Variants in SLC12A7 observed in about 807,000 individuals in gnomAD.
The protein encoded by SLC12A7 is solute carrier family 12 member 7, also known as K-Cl cotransporter 4.
SLC12A7 carries 100 observed loss-of-function variants against 120.6 expected under a neutral mutation model. That is an observed-to-expected ratio of 0.83 (90% CI 0.71 to 0.98). SLC12A7 has a LOEUF of 0.98. Ranked by LOEUF, SLC12A7 falls within the 50% of genes least tolerant of loss-of-function variation. The pLI, the probability that SLC12A7 is intolerant of heterozygous loss-of-function variation, is 0.00. For missense variants in SLC12A7, 1,373 were observed against 1,548.1 expected (o/e 0.89, Z 1.90); for synonymous variants, 760 against 678.0 (o/e 1.12, Z -1.88).
At chr5:1,154,681 A>G in the SLC12A7 span, among the ~76,000 whole-genome samples, 1 of 152,106 alleles carries the variant, frequency 6.6e-6, no homozygotes, top group Non-Finnish European at 1.5e-5. Context: ...GTGGACTCTC[A>G]CATGTGTGAC....
chr5:1,053,609 C>A, intron 22 of SLC12A7, 127 bp from the exon 23 acceptor site: 1 of 1,249,238 alleles, frequency 8.0e-7, no homozygotes, highest in South Asian at 1.5e-5. Flanking sequence ...CAGGATCAGG[C>A]GGATTCTCTG....
chr5:1,087,873 C>A (rs992112748), intron 5 of SLC12A7, among the ~76,000 whole-genome samples: 1 of 152,202 alleles, frequency 6.6e-6, no homozygotes, highest in East Asian at 1.9e-4. Flanking sequence ...TTAATATCAT[C>A]TCGGTTCACT....
chr5:1,153,085 G>A, the SLC12A7 span, among the ~76,000 whole-genome samples: 1 of 152,220 alleles, frequency 6.6e-6, no homozygotes. Context: ...GCTGATGGTT[G>A]GCTGGAGCCA....
chr5:1,078,828 T>TGGGGGGGGGGGG, intron 10 of SLC12A7, 70 bp from the exon 11 acceptor site: 1 of 31,744 alleles, frequency 3.2e-5, no homozygotes, highest in Non-Finnish European at 5.4e-5. Flanking sequence ...TGGGGTGGGG[T>TGGGGGGGGGGGG]GGGGTGGGGT....
At chr5:1,118,519 G>A in the SLC12A7 span, among the ~76,000 whole-genome samples, 2 of 152,220 alleles carry the variant, frequency 1.3e-5, no homozygotes, top group African/African-American at 4.8e-5. Context: ...CCAGACTCGC[G>A]CCCTCGCCAG....
In SLC12A7 at chr5:1,083,058, G is replaced by T. The variant is rs537827008; in HGVS notation, c.1129+687C>A. Among the ~76,000 whole-genome samples the T allele has an allele frequency of 9.3e-5, 14 of 151,076 alleles. No homozygotes were observed. The South Asian group carries it at 2.7e-3, about 30-fold the overall frequency. ...CCGTCTCAGGTTCTGGAAAGTCCAG[G>T]CTTCCCGTCTTGGGTTCTGGAAAGC... On this transcript the variant is annotated intron_variant, in intron 8 of 23. Transcript: ENST00000264930.
chr5:1,145,004 T>C, the SLC12A7 span, among the ~76,000 whole-genome samples: 5 of 152,206 alleles, frequency 3.3e-5, no homozygotes, highest in Non-Finnish European at 7.3e-5. This position sits in a 1 kb window ranked among gnomAD's most constrained non-coding sequence, Gnocchi z 4.4. Flanking sequence ...CCAGCACCAC[T>C]GGACCAACCG....
chr5:1,050,847 A>C lies in SLC12A7; in HGVS notation c.*1513T>G, dbSNP rs942118926. On this transcript the variant is annotated 3_prime_UTR_variant, in exon 24 of 24. Coordinates refer to ENST00000264930, the MANE Select transcript of SLC12A7 (RefSeq NM_006598.3). ...GCAGCCGTCACTCTACAGCAATGCCAGCCCTAGTCTGGCTCCTCAGAAACA... is the reference window on the plus strand; with the variant it reads ...GCAGCCGTCACTCTACAGCAATGCCCGCCCTAGTCTGGCTCCTCAGAAACA... The C allele has an allele frequency of 2.5e-6, 1 of 398,560 alleles. No individual in the cohort carries two copies. Among genetic ancestry groups the C allele is most frequent in the African/African-American group, 2.1e-5 (1 of 48,646 alleles). The allele number at this position is 398,560 out of a possible 1,614,324, so 24.7% of individuals were successfully genotyped here.
At chr5:1,114,159 C>T (rs979642625), upstream of SLC12A7, among the ~76,000 whole-genome samples, 25 of 152,194 alleles carry the variant, frequency 1.6e-4, no homozygotes, top group South Asian at 1.0e-3. Flanking sequence ...GTGGCAGCTC[C>T]GAGGGTGGTC....
At chr5:1,139,424 C>T in the SLC12A7 span, among the ~76,000 whole-genome samples, 3 of 152,266 alleles carry the variant, frequency 2.0e-5, no homozygotes, top group East Asian at 3.8e-4. Context: ...AACCAAGAGG[C>T]GGCTCAGCCT....
At chr5:1,101,823 G>T (rs1415412701) in intron 1 of SLC12A7, among the ~76,000 whole-genome samples, 1 of 143,254 alleles carries the variant, frequency 7.0e-6, no homozygotes, top group East Asian at 2.1e-4. Context: ...TGGCCCTCCG[G>T]AGCCGCTTTG....
At chr5:1,099,187 C>A (rs1368522113) in intron 1 of SLC12A7, among the ~76,000 whole-genome samples, 2 of 152,172 alleles carry the variant, frequency 1.3e-5, no homozygotes, top group African/African-American at 2.4e-5. Flanking sequence ...CAGATCAGGT[C>A]TCCCCAGCCA....
chr5:1,091,398 C>A (rs1207113953), intron 3 of SLC12A7, among the ~76,000 whole-genome samples: 1 of 152,224 alleles, frequency 6.6e-6, no homozygotes, highest in Non-Finnish European at 1.5e-5. Context: ...CCAGTGGTGC[C>A]TGAGCCCAGC....
intron 17 of SLC12A7, 42 bp from the exon 18 acceptor site, chr5:1,065,520 G>A: frequency 1.3e-6 from 2 of 1,508,002 alleles, no homozygotes; most frequent in South Asian, 1.3e-5. Flanking sequence ...CAGGAATGGG[G>A]TGCACAGACC....
chr5:1,086,896 C>A lies in SLC12A7; in HGVS notation c.675+7G>T, dbSNP rs372308140. The A allele has an allele frequency of 3.7e-6, 6 of 1,612,398 alleles. No individual in the cohort carries two copies. Among genetic ancestry groups the A allele is most frequent in the Non-Finnish European group, 4.2e-6 (5 of 1,179,572 alleles). On this transcript the variant is annotated splice_region_variant and intron_variant, in intron 6 of 23. Transcript: ENST00000264930. ...GGGTGGGAACCCTTCCAAAGCAGCA[C>A]ACTTACCAGAAAAATCTCGATGGTC... is the stretch of plus-strand genomic sequence containing the variant.
chr5:1,107,828 GTCTC>G (rs1742647523), intron 1 of SLC12A7, among the ~76,000 whole-genome samples: 1 of 152,140 alleles, frequency 6.6e-6, no homozygotes, highest in Admixed American at 6.5e-5. Flanking sequence ...CGAGGCAAAG[GTCTC>G]CTCATATGAT....
In SLC12A7 at chr5:1,083,755, A is replaced by G; in HGVS notation, c.1119T>C (p.Gly373=). The part of the protein sequence containing the change: ...EIQGIPGAAS[G]VFLENLWSTY... ...CCCTGTGAGCCTCACCCAGGAAGACACCACTGGCCGCGCCCGGGATGCCCT... is the reference window on the plus strand; with the variant it reads ...CCCTGTGAGCCTCACCCAGGAAGACGCCACTGGCCGCGCCCGGGATGCCCT... Residue 373 remains glycine (G), a synonymous_variant, in exon 8 of 24, where the codon GGT becomes GGC. Transcript: ENST00000264930. The G allele has an allele frequency of 6.2e-7, 1 of 1,612,378 alleles. No individual in the cohort carries two copies. The highest frequency in any genetic ancestry group is 1.1e-5 in the South Asian group (1 of 91,068).
At chr5:1,060,563 G>A (rs1236737204) in intron 20 of SLC12A7, 112 bp from the exon 21 acceptor site, 5 of 781,628 alleles carry the variant, frequency 6.4e-6, no homozygotes, top group African/African-American at 1.7e-5. Flanking sequence ...GAAAGGCCAC[G>A]CGTCCCGGGC....
chr5:1,087,091 G>T, intron 5 of SLC12A7, 58 bp from the exon 6 acceptor site: 2 of 1,545,788 alleles, frequency 1.3e-6, no homozygotes, highest in Middle Eastern at 1.9e-4. Flanking sequence ...CGGACCCGAG[G>T]TGCGGTCTGC....
Sources: gnomAD v4.1 joint callset for allele counts (sites outside exome capture counted in the v4.1 genomes callset) on GRCh38, gnomAD v4.1.1 for gene constraint, Gnocchi (gnomAD v3.1) non-coding constraint, MANE v1.5 for transcripts, NCBI Gene and HGNC (gene_info 2026-07-23, HGNC 2026-07-21) for gene names.